Variants in CCDC14 observed in about 807,000 individuals in gnomAD.
The protein encoded by CCDC14 is coiled-coil domain containing 14.
Under a neutral mutation model 81.4 loss-of-function variants are expected in CCDC14, and 71 were observed. That is an observed-to-expected ratio of 0.87 (90% CI 0.72 to 1.06). The LOEUF (loss-of-function observed/expected upper bound fraction) is 1.06. Among genes scored for constraint, CCDC14 ranks in the 50% least tolerant of loss-of-function variants. The pLI is 0.00. For synonymous variants in CCDC14, 332 were observed against 364.8 expected (o/e 0.91, Z 1.03); for missense variants, 1,046 against 1,047.3 (o/e 1.00, Z 0.02).
At chr3:123,926,369 T>C (rs1426262704) in intron 12 of CCDC14, among the ~76,000 whole-genome samples, 1 of 151,836 alleles carries the variant, frequency 6.6e-6, no homozygotes, top group East Asian at 1.9e-4. Context: ...ATAATTCAGC[T>C]AAAGACACTG....
the CCDC14 span, among the ~76,000 whole-genome samples, chr3:123,890,824 A>G: frequency 2.0e-5 from 3 of 152,182 alleles, no homozygotes; most frequent in South Asian, 6.2e-4. Context: ...ACTAGGCAGT[A>G]CCCTAGTAGG....
At chr3:123,926,826 G>C (rs1368594899) in intron 12 of CCDC14, among the ~76,000 whole-genome samples, 2 of 151,916 alleles carry the variant, frequency 1.3e-5, no homozygotes, top group Non-Finnish European at 2.9e-5. Flanking sequence ...ATCTCTTTTC[G>C]GAGATTATTT....
rs1393845641 is a variant in CCDC14, at chr3:123,949,144, G to T, written c.353-12C>A. ...ATTATCTGAAGATGCTAATGTGGAA[G>T]AAGAAAAAAGTTCTTGAAATATGAT... On this transcript the variant is annotated splice_polypyrimidine_tract_variant and intron_variant, in intron 5 of 12. Coordinates refer to ENST00000409697, the MANE Select transcript of CCDC14 (RefSeq NM_001366335.1). The T allele has an allele frequency of 3.3e-6, 5 of 1,493,416 alleles. No homozygotes were observed. The highest frequency in any genetic ancestry group is 4.6e-6 in the Non-Finnish European group (5 of 1,090,874). The allele number at this position is 1,493,416 out of a possible 1,614,324, so 92.5% of individuals were successfully genotyped here. A position where few individuals can be genotyped will look rare whatever the true frequency, so the allele number is the denominator to read the frequency against.
intron 9 of CCDC14, among the ~76,000 whole-genome samples, chr3:123,939,951 TTG>T (rs1262762534): frequency 4.0e-5 from 6 of 151,896 alleles, no homozygotes; most frequent in Non-Finnish European, 7.4e-5. Context: ...CTACAGAACA[TTG>T]TGAATTTATT....
At chr3:123,949,202 G>C (rs2036863028) in intron 5 of CCDC14, 70 bp from the exon 6 acceptor site, 1 of 933,466 alleles carries the variant, frequency 1.1e-6, no homozygotes, top group Non-Finnish European at 1.6e-6. Context: ...GATTTTAAGA[G>C]AAGAAAGGGC....
At chr3:123,902,344 T>C (rs1376212531) in intron 5 of CCDC14, among the ~76,000 whole-genome samples, 4 of 152,158 alleles carry the variant, frequency 2.6e-5, no homozygotes, top group Admixed American at 2.0e-4. Flanking sequence ...AATGAACAAA[T>C]AGATCTGGGT....
chr3:123,889,644 G>T, the CCDC14 span, among the ~76,000 whole-genome samples: 1 of 152,228 alleles, frequency 6.6e-6, no homozygotes, highest in African/African-American at 2.4e-5. Context: ...GGCTGGCATT[G>T]AGTGCCTGCA....
rs2037292220 is a variant in CCDC14, at chr3:123,955,875, T to C, written c.320A>G (p.His107Arg). 6.5e-6 allele frequency: 10 copies of C among 1,535,092 alleles called. No individual in the cohort carries two copies. The South Asian group carries it at 8.6e-5, about 13-fold the overall frequency. Residue 107 changes from histidine (H) to arginine (R), a missense_variant, in exon 5 of 13, where the codon CAT becomes CGT. His to Arg is a conservative substitution (Grantham distance 29). Transcript: ENST00000409697. ...YGSKKKRHEK[H>R]TIPLVVQKET... is the part of the protein sequence containing the mutation. ...TTTCTGGACTACCAAAGGAATAGTA[T>C]GTTTTTCATGTCTTTTCTTTTTTGA...
At chr3:123,907,237 T>C (rs2034332414) in intron 5 of CCDC14, among the ~76,000 whole-genome samples, 4 of 152,232 alleles carry the variant, frequency 2.6e-5, no homozygotes, top group Admixed American at 2.6e-4. Flanking sequence ...AGATCAGCTA[T>C]TTGCAGCAAG....
chr3:123,914,304 CCAA>C lies in CCDC14; in HGVS notation c.*472_*474del. The C allele has an allele frequency of 2.0e-6, 2 of 984,380 alleles. No homozygotes were observed. The highest frequency in any genetic ancestry group is 2.4e-6 in the Non-Finnish European group (2 of 828,994). The allele number at this position is 984,380 out of a possible 1,614,324, so 61.0% of individuals were successfully genotyped here. ...TTTAAATAAATGTTTATATATTTCA[CCAA>C]CAACACTGGCCTGTGGCACACAGCA... On this transcript the variant is annotated 3_prime_UTR_variant, in exon 13 of 13. Coordinates refer to ENST00000409697, the MANE Select transcript of CCDC14 (RefSeq NM_001366335.1).
At chr3:123,959,417 C>T (rs1322134893) in intron 1 of CCDC14, among the ~76,000 whole-genome samples, 1 of 152,134 alleles carries the variant, frequency 6.6e-6, no homozygotes, top group Non-Finnish European at 1.5e-5. Context: ...TGCTGGCCAT[C>T]TGTACATTTT....
At chr3:123,942,758 C>T (rs531375869) in intron 9 of CCDC14, among the ~76,000 whole-genome samples, 187 of 152,146 alleles carry the variant, frequency 1.2e-3, no homozygotes, top group African/African-American at 4.3e-3. Flanking sequence ...AATAAATAGA[C>T]ACTGAAGTGT....
At chr3:123,951,373 TAA>T (rs991606433) in intron 5 of CCDC14, among the ~76,000 whole-genome samples, 3 of 152,208 alleles carry the variant, frequency 2.0e-5, no homozygotes, top group African/African-American at 7.2e-5. Context: ...CTGAGATGAT[TAA>T]AATCAAAAGT....
intron 1 of CCDC14, 52 bp downstream of exon 1, chr3:123,961,092 C>G: frequency 6.8e-7 from 1 of 1,470,960 alleles, no homozygotes; most frequent in African/African-American, 1.4e-5. Flanking sequence ...CCCGAAAACC[C>G]CCCTGTCCCT....
At chr3:123,939,230 A>G (rs1272661195) in intron 9 of CCDC14, among the ~76,000 whole-genome samples, 9 of 151,984 alleles carry the variant, frequency 5.9e-5, no homozygotes, top group East Asian at 1.9e-4. Flanking sequence ...ATGATATTCT[A>G]TGATCCCCTG....
intron 5 of CCDC14, among the ~76,000 whole-genome samples, chr3:123,904,622 GA>G (rs35632545): frequency 0.11 from 15,516 of 144,472 alleles, 1,920 homozygotes; most frequent in East Asian, 0.48. Flanking sequence ...TGGAAAAAAA[GA>G]AAAAAAAAAA....
At chr3:123,956,828 A>G in intron 1 of CCDC14, 33 bp from the exon 2 acceptor site, 2 of 1,330,084 alleles carry the variant, frequency 1.5e-6, no homozygotes, top group South Asian at 1.4e-5. Flanking sequence ...AGATAAACAA[A>G]TATTTTTCTA....
chr3:123,893,556 A>G (rs920992538), downstream of CCDC14, among the ~76,000 whole-genome samples: 4 of 152,140 alleles, frequency 2.6e-5, no homozygotes, highest in African/African-American at 9.6e-5. Flanking sequence ...TGTTTGAATG[A>G]CCATTTTCAA....
chr3:123,955,325 T>C (rs925122652), intron 5 of CCDC14: 2 of 152,098 alleles, frequency 1.3e-5, no homozygotes, highest in African/African-American at 4.8e-5. Context: ...AAGTTAGCCG[T>C]GAGGGTGTAA....
Sources: gnomAD v4.1 joint callset for allele counts (sites outside exome capture counted in the v4.1 genomes callset) on GRCh38, gnomAD v4.1.1 for gene constraint, MANE v1.5 for transcripts, NCBI Gene and HGNC (gene_info 2026-07-23, HGNC 2026-07-21) for gene names.